CSMD1: variants seen among roughly 807,000 people sequenced by gnomAD.
CSMD1 encodes CUB and Sushi multiple domains 1, also known as CUB and sushi domain-containing protein 1.
Under a neutral mutation model 417.5 loss-of-function variants are expected in CSMD1, and 213 were observed. The observed-to-expected ratio is 0.51, with a 90% CI of 0.46 to 0.57. The LOEUF is 0.57. Among genes scored for constraint, CSMD1 ranks in the 20% least tolerant of loss-of-function variants. The pLI is 0.00. For synonymous variants in CSMD1, 2,862 were observed against 1,736.8 expected (o/e 1.65, Z -16.11); for missense variants, 6,923 against 4,529.7 (o/e 1.53, Z -15.17).
intron 10 of CSMD1, among the ~76,000 whole-genome samples, chr8:3,563,440 GGT>G (rs1799560034): frequency 1.6e-5 from 1 of 60,890 alleles, no homozygotes; most frequent in African/African-American, 7.4e-5. Context: ...CGTATTAAAA[GGT>G]AAAAAAAAAA....
intron 3 of CSMD1, among the ~76,000 whole-genome samples, chr8:4,355,894 GTGAGTCTCA>G (rs1375594146): frequency 6.6e-6 from 1 of 151,794 alleles, no homozygotes. Context: ...AACAGCGCAG[GTGAGTCTCA>G]TGATTTGAAT....
chr8:3,662,673 G>C (rs1324524058), intron 7 of CSMD1, among the ~76,000 whole-genome samples: 1 of 152,132 alleles, frequency 6.6e-6, no homozygotes, highest in East Asian at 1.9e-4. Context: ...AGAACAATCA[G>C]TTCATGTCCT....
At chr8:3,200,375 G>C (rs1040555778) in intron 32 of CSMD1, among the ~76,000 whole-genome samples, 19 of 151,508 alleles carry the variant, frequency 1.3e-4, no homozygotes, top group Non-Finnish European at 2.9e-5. Flanking sequence ...GCCAACATGG[G>C]GAAACCACGT....
intron 1 of CSMD1, among the ~76,000 whole-genome samples, chr8:4,857,978 C>A (rs1801900286): frequency 1.3e-5 from 2 of 152,102 alleles, no homozygotes; most frequent in South Asian, 4.1e-4. Flanking sequence ...GAATTTTAGA[C>A]CAATATCTTT....
chr8:3,540,128 T>C (rs1481096174), intron 10 of CSMD1, among the ~76,000 whole-genome samples: 1 of 152,214 alleles, frequency 6.6e-6, no homozygotes, highest in Non-Finnish European at 1.5e-5. Context: ...GGTCACAGTT[T>C]CAATACTTGG....
intron 3 of CSMD1, among the ~76,000 whole-genome samples, chr8:4,193,111 G>A (rs73658455): frequency 1.3e-5 from 2 of 152,172 alleles, no homozygotes; most frequent in East Asian, 1.9e-4. Context: ...AATTTACTTT[G>A]AATTCTCTGA....
At chr8:4,247,613 G>T (rs1261405031) in intron 3 of CSMD1, among the ~76,000 whole-genome samples, 1 of 152,094 alleles carries the variant, frequency 6.6e-6, no homozygotes, top group African/African-American at 2.4e-5. Context: ...TAATTACAAG[G>T]AGAAGAGCAG....
At chr8:3,905,317 G>A (rs948313406) in intron 5 of CSMD1, among the ~76,000 whole-genome samples, 8 of 152,128 alleles carry the variant, frequency 5.3e-5, no homozygotes, top group African/African-American at 1.9e-4. Context: ...TTAGTGACAG[G>A]TACCTGATCT....
chr8:3,765,078 G>C (rs867564337), intron 5 of CSMD1, among the ~76,000 whole-genome samples: 1 of 152,032 alleles, frequency 6.6e-6, no homozygotes, highest in East Asian at 1.9e-4. Flanking sequence ...ATTTTTCATA[G>C]CTTTCAAACA....
At chr8:4,273,016 C>T (rs1301490390) in intron 3 of CSMD1, among the ~76,000 whole-genome samples, 1 of 152,124 alleles carries the variant, frequency 6.6e-6, no homozygotes, top group Non-Finnish European at 1.5e-5. Context: ...ATGTACCTGA[C>T]ATTTCTAACT....
At chr8:3,838,417 CTA>C (rs1802847197) in intron 5 of CSMD1, among the ~76,000 whole-genome samples, 1 of 148,850 alleles carries the variant, frequency 6.7e-6, no homozygotes, top group African/African-American at 2.5e-5. Flanking sequence ...TAGAGAGAGA[CTA>C]TATATAGAGG....
At chr8:3,309,800 C>G (rs1805185481) in intron 23 of CSMD1, among the ~76,000 whole-genome samples, 1 of 152,150 alleles carries the variant, frequency 6.6e-6, no homozygotes, top group Admixed American at 6.6e-5. Context: ...AAAATGTATT[C>G]TTAACTTCAC....
Position 4,334,735 on chromosome 8 carries a change from G to C in CSMD1, c.415+85218C>G, listed in dbSNP as rs536570586. On this transcript the variant is annotated intron_variant, in intron 3 of 69. Coordinates refer to ENST00000635120, the MANE Select transcript of CSMD1 (RefSeq NM_033225.6). ...ATAATTTTTATTTGCATAGATACTT[G>C]AACGATACGCTCGACTCTACTGTGT... Among the ~76,000 whole-genome samples the C allele has an allele frequency of 2.6e-5, 4 of 152,260 alleles. No homozygotes were observed. The South Asian group carries it at 8.3e-4, about 32-fold the overall frequency.
chr8:3,804,673 A>T (rs1800632053), intron 5 of CSMD1, among the ~76,000 whole-genome samples: 1 of 152,240 alleles, frequency 6.6e-6, no homozygotes, highest in Non-Finnish European at 1.5e-5. Flanking sequence ...AAGAAAAATT[A>T]AGAGAAATGT....
intron 5 of CSMD1, among the ~76,000 whole-genome samples, chr8:3,771,571 G>C (rs552928834): frequency 6.6e-6 from 1 of 152,156 alleles, no homozygotes; most frequent in Non-Finnish European, 1.5e-5. Flanking sequence ...CAGCCCTAGA[G>C]ACCTGGAGAG....
intron 3 of CSMD1, among the ~76,000 whole-genome samples, chr8:4,231,209 G>C (rs973280064): frequency 4.6e-5 from 7 of 152,118 alleles, no homozygotes; most frequent in African/African-American, 1.7e-4. Context: ...CTAAATGAAA[G>C]GCATTGTCTT....
chr8:4,443,428 T>A (rs2129718086), intron 2 of CSMD1, among the ~76,000 whole-genome samples: 1 of 152,324 alleles, frequency 6.6e-6, no homozygotes, highest in South Asian at 2.1e-4. Context: ...TCTTTATTCA[T>A]TATTCAACAA....
chr8:4,102,690 A>T lies in CSMD1; in HGVS notation c.416-70591T>A, dbSNP rs538132039. 7.9e-5 allele frequency among the ~76,000 whole-genome samples: 12 copies of T among 152,220 alleles called. 1 individual carries two copies. The highest frequency in any genetic ancestry group is 1.8e-4 in the Non-Finnish European group (12 of 68,042). ...ACTCCAATATTCAGGACATTTACTGATAATGTTCTCCTAAAATGTATCCAA... is the reference window on the plus strand; with the variant it reads ...ACTCCAATATTCAGGACATTTACTGTTAATGTTCTCCTAAAATGTATCCAA... On this transcript the variant is annotated intron_variant, in intron 3 of 69. Coordinates refer to ENST00000635120, the MANE Select transcript of CSMD1 (RefSeq NM_033225.6).
At chr8:4,873,608 C>G (rs1023784366) in intron 1 of CSMD1, among the ~76,000 whole-genome samples, 2 of 152,064 alleles carry the variant, frequency 1.3e-5, no homozygotes, top group African/African-American at 4.8e-5. Flanking sequence ...GGCTAGAAAT[C>G]TAATTAAGCA....
Sources: allele counts gnomAD v4.1 joint callset (sites outside exome capture counted in the v4.1 genomes callset), GRCh38; gene constraint gnomAD v4.1.1; transcripts MANE v1.5; gene names NCBI Gene and HGNC (gene_info 2026-07-23, HGNC 2026-07-21).